DNAAF8: variants seen among roughly 807,000 people sequenced by gnomAD.
DNAAF8 encodes dynein axonemal assembly factor 8.
A neutral mutation model predicts 54.6 loss-of-function variants in DNAAF8; 61 were observed. That is an observed-to-expected ratio of 1.12 (90% confidence interval 0.91 to 1.38). DNAAF8 has a LOEUF of 1.38. DNAAF8 is among the 40% of genes most tolerant of loss of function. The pLI, the probability that DNAAF8 is intolerant of heterozygous loss-of-function variation, is 0.00. For missense variants in DNAAF8, 837 were observed against 665.0 expected, an observed-to-expected ratio of 1.26 and a Z score of -2.85; for synonymous variants, 320 against 270.1, an observed-to-expected ratio of 1.18 and a Z score of -1.81.
chr16:4,742,884 G>A (rs913136605), intron 4 of DNAAF8, among the ~76,000 whole-genome samples, 159 bp from the exon 5 acceptor site: 1 of 152,116 alleles, frequency 6.6e-6, no homozygotes. Flanking sequence ...ATGGAAAGGC[G>A]GGGTCAGCCT....
chr16:4,736,904 T>C (rs926942616), intron 2 of DNAAF8, among the ~76,000 whole-genome samples: 1 of 152,118 alleles, frequency 6.6e-6, no homozygotes, highest in African/African-American at 2.4e-5. Context: ...ACCCTTTCAG[T>C]GGAGTTTTTG....
Position 4,740,318 on chromosome 16 carries a change from G to A in DNAAF8, c.442G>A (p.Glu148Lys), listed in dbSNP as rs1259018407. The change falls in exon 4 of 10, where the codon GAA becomes AAA. Residue 148 changes from glutamate (E) to lysine (K), a missense_variant. Coordinates refer to ENST00000299320, the MANE Select transcript of DNAAF8 (RefSeq NM_139170.3). ...GMAEEPPRWL[E>K]GDLGSLSFNT... is the part of the protein sequence containing the mutation. ...GGCCGAGGAGCCCCCCAGGTGGCTGGAAGGCGACCTTGGAAGCCTGTCTTT... is the reference window on the plus strand; with the variant it reads ...GGCCGAGGAGCCCCCCAGGTGGCTGAAAGGCGACCTTGGAAGCCTGTCTTT... The A allele has an allele frequency of 8.1e-6, 13 of 1,613,868 alleles. 1 individual carries two copies. Among genetic ancestry groups the A allele is most frequent in the African/African-American group, 2.7e-5 (2 of 74,868 alleles).
At chr16:4,739,391 G>T (rs545839502) in intron 3 of DNAAF8, among the ~76,000 whole-genome samples, 69 of 148,438 alleles carry the variant, frequency 4.6e-4, no homozygotes, top group African/African-American at 1.7e-3. Flanking sequence ...CTCTAGCTTG[G>T]GGTATGAATT....
At chr16:4,747,287 G>C (rs2082029631) in intron 8 of DNAAF8, 56 bp from the exon 9 acceptor site, 4 of 1,505,982 alleles carry the variant, frequency 2.7e-6, no homozygotes, top group Non-Finnish European at 2.7e-6. Context: ...CAGTAAGGAG[G>C]GCTGGGAGGG....
At chr16:4,736,364 C>A in intron 1 of DNAAF8, 100 bp from the exon 2 acceptor site, 2 of 862,650 alleles carry the variant, frequency 2.3e-6, no homozygotes, top group East Asian at 3.2e-5. Flanking sequence ...GGTGGTGAGG[C>A]CTGCCAGCCT....
chr16:4,734,774 G>C (rs2142194353), intron 1 of DNAAF8, 76 bp downstream of exon 1: 1 of 152,394 alleles, frequency 6.6e-6, no homozygotes, highest in African/African-American at 2.4e-5. Flanking sequence ...GGGTGGGTGA[G>C]AGGAGGAGCG....
At chr16:4,741,233 CAA>C (rs756159698) in intron 4 of DNAAF8, among the ~76,000 whole-genome samples, 26 of 70,794 alleles carry the variant, frequency 3.7e-4, no homozygotes, top group Non-Finnish European at 6.3e-4. Flanking sequence ...GACTCCATCT[CAA>C]AAAAAAAAAA....
At position 4,740,058 on chromosome 16, in the gene DNAAF8, C is replaced by CAAA. The variant is rs111697257; in HGVS notation, c.277-82_277-80dup. The CAAA allele has an allele frequency of 4.2e-3, 5,092 of 1,206,554 alleles. 1 individual carries two copies. Among genetic ancestry groups the CAAA allele is most frequent in the African/African-American group, 0.013 (750 of 59,024 alleles). The allele number at this position is 1,206,554 out of a possible 1,614,324, so 74.7% of individuals were successfully genotyped here. A position where few individuals can be genotyped will look rare whatever the true frequency, so the allele number is the denominator to read the frequency against. ...TGGGCAACAAAGCGAGACTTCACCT[C>CAAA]AAAAAAAAAAAAAAAGTACATATTT... is the stretch of plus-strand genomic sequence containing the variant. On this transcript the variant is annotated intron_variant, in intron 3 of 9. Coordinates refer to ENST00000299320, the MANE Select transcript of DNAAF8 (RefSeq NM_139170.3).
At chr16:4,739,926 G>T (rs1023386661) in intron 3 of DNAAF8, among the ~76,000 whole-genome samples, 1 of 151,784 alleles carries the variant, frequency 6.6e-6, no homozygotes, top group East Asian at 2.0e-4. Context: ...GGGCCTAGTA[G>T]TATGTGCCTG....
At chr16:4,736,439 T>C in intron 1 of DNAAF8, 25 bp from the exon 2 acceptor site, 1 of 1,376,764 alleles carries the variant, frequency 7.3e-7, no homozygotes, top group Non-Finnish European at 9.5e-7. Context: ...CCGGACCCTC[T>C]TCCATCACCC....
intron 2 of DNAAF8, 133 bp from the exon 3 acceptor site, chr16:4,737,667 A>G (rs1211871812): frequency 8.9e-7 from 1 of 1,127,462 alleles, no homozygotes. Flanking sequence ...CCTGAGCAGC[A>G]GGGCTGGACG....
intron 6 of DNAAF8, 66 bp downstream of exon 6, chr16:4,745,077 G>T: frequency 6.4e-7 from 1 of 1,556,272 alleles, no homozygotes. Context: ...TTGTAGCACT[G>T]ACTGGGCCTA....
chr16:4,742,625 C>T (rs1374514412), intron 4 of DNAAF8, among the ~76,000 whole-genome samples: 1 of 151,288 alleles, frequency 6.6e-6, no homozygotes, highest in Admixed American at 6.6e-5. Context: ...GAGGCTGAGG[C>T]AGGAGAATCA....
At chr16:4,745,714 G>C (rs2082006148) in intron 6 of DNAAF8, among the ~76,000 whole-genome samples, 2 of 152,186 alleles carry the variant, frequency 1.3e-5, no homozygotes, top group Admixed American at 1.3e-4. Context: ...ACTTTGGAAG[G>C]CCGAGGCAGG....
chr16:4,746,607 C>T, intron 7 of DNAAF8, 95 bp downstream of exon 7: 3 of 1,418,776 alleles, frequency 2.1e-6, no homozygotes, highest in South Asian at 1.4e-5. Context: ...TGGGGAGGAA[C>T]AGGGACTTCA....
intron 4 of DNAAF8, among the ~76,000 whole-genome samples, chr16:4,740,942 T>C (rs1050183012): frequency 1.3e-5 from 2 of 151,588 alleles, no homozygotes; most frequent in African/African-American, 2.4e-5. Context: ...CCCAGCACTT[T>C]GGGAGGCCGA....
chr16:4,745,240 C>A (rs1386979453), intron 6 of DNAAF8, among the ~76,000 whole-genome samples: 1 of 152,182 alleles, frequency 6.6e-6, no homozygotes, highest in Non-Finnish European at 1.5e-5. Context: ...GGGACTCAAG[C>A]CCTCAAGTAC....
rs2142211161 is a variant in DNAAF8 at position 4,744,978 on chromosome 16, C to A, written c.1010C>A (p.Pro337His). Residue 337 changes from proline to histidine, a missense_variant, in exon 6 of 10, where the codon CCC becomes CAC. Physicochemically the swap from Pro to His is moderately conservative, Grantham distance 77 (BLOSUM62 -2). Coordinates refer to ENST00000299320, the MANE Select transcript of DNAAF8 (RefSeq NM_139170.3). Reference protein sequence around the residue: ...ACARKVPADTPQDTKEADSGS... With the variant: ...ACARKVPADTHQDTKEADSGS... Reference sequence around the variant, plus strand: ...GCCCGGAAGGTGCCTGCCGACACTCCCCAGGACACCAAAGAGGCAGATTCA... The same window carrying A: ...GCCCGGAAGGTGCCTGCCGACACTCACCAGGACACCAAAGAGGCAGATTCA... 6.2e-7 allele frequency: 1 copy of A among 1,613,910 alleles called. No homozygotes were observed. The highest frequency in any genetic ancestry group is 2.2e-5 in the East Asian group (1 of 44,868).
intron 3 of DNAAF8, 41 bp from the exon 4 acceptor site, chr16:4,740,112 T>A (rs779926441): frequency 6.6e-7 from 1 of 1,523,288 alleles, no homozygotes; most frequent in Non-Finnish European, 8.8e-7. Flanking sequence ...CTGAAGCATG[T>A]TTTTGAGGAT....
Sources: allele counts gnomAD v4.1 joint callset (sites outside exome capture counted in the v4.1 genomes callset), GRCh38; gene constraint gnomAD v4.1.1; transcripts MANE v1.5; gene names NCBI Gene and HGNC (gene_info 2026-07-23, HGNC 2026-07-21).